ASB3: variants seen among roughly 807,000 people sequenced by gnomAD.
ASB3 encodes ankyrin repeat and SOCS box containing 3.
A neutral mutation model predicts 54.5 loss-of-function variants in ASB3; 41 were observed. The observed-to-expected ratio is 0.75, with a 90% confidence interval of 0.59 to 0.98. The LOEUF (loss-of-function observed/expected upper bound fraction) is 0.98. Ranked by LOEUF, ASB3 falls within the 50% of genes least tolerant of loss-of-function variation. The pLI is 0.00. For synonymous variants in ASB3, 266 were observed against 221.2 expected, an observed-to-expected ratio of 1.20 and a Z score of -1.80; for missense variants, 733 against 620.0, an observed-to-expected ratio of 1.18 and a Z score of -1.94.
At chr2:53,774,349 A>G (rs775594694) in intron 1 of ASB3, 2 of 1,613,300 alleles carry the variant, frequency 1.2e-6, no homozygotes, top group Non-Finnish European at 1.7e-6. Flanking sequence ...TCTGGAAGAC[A>G]TTGCTGAACA....
intron 5 of ASB3, among the ~76,000 whole-genome samples, chr2:53,726,366 T>C (rs1347811912): frequency 6.6e-6 from 1 of 150,570 alleles, no homozygotes; most frequent in African/African-American, 2.4e-5. Context: ...GTTTAAGCAA[T>C]TCTCCTGCCT....
chr2:53,780,482 T>C (rs1358053678), intron 1 of ASB3, among the ~76,000 whole-genome samples: 1 of 152,022 alleles, frequency 6.6e-6, no homozygotes, highest in Non-Finnish European at 1.5e-5. Context: ...AGATGTGATA[T>C]AAAATACAAG....
At chr2:53,672,731 C>T in intron 9 of ASB3, among the ~76,000 whole-genome samples, 1 of 152,158 alleles carries the variant, frequency 6.6e-6, no homozygotes, top group East Asian at 1.9e-4. Context: ...GACACAGTTT[C>T]ACTTTCTTTG....
chr2:53,758,346 T>G (rs2104048452), intron 2 of ASB3, among the ~76,000 whole-genome samples: 1 of 152,292 alleles, frequency 6.6e-6, no homozygotes, highest in African/African-American at 2.4e-5. Context: ...ACAAAAAGTT[T>G]AAGATTGATA....
chr2:53,686,528 A>G (rs1572842732), intron 9 of ASB3, among the ~76,000 whole-genome samples: 1 of 152,130 alleles, frequency 6.6e-6, no homozygotes. Context: ...ATGATATTTA[A>G]CACTAGCTTT....
chr2:53,695,471 T>C (rs1669133435), intron 8 of ASB3, among the ~76,000 whole-genome samples: 1 of 152,136 alleles, frequency 6.6e-6, no homozygotes, highest in South Asian at 2.1e-4. Context: ...CAAAGGTTAC[T>C]TGGTTCTGGT....
chr2:53,761,306 C>G (rs1299356093), intron 2 of ASB3, among the ~76,000 whole-genome samples: 1 of 152,096 alleles, frequency 6.6e-6, no homozygotes, highest in South Asian at 2.1e-4. Context: ...CCTGAGAGCA[C>G]AGAGGGAGGG....
intron 3 of ASB3, among the ~76,000 whole-genome samples, chr2:53,744,288 G>A (rs1325864605): frequency 6.6e-6 from 1 of 151,438 alleles, no homozygotes; most frequent in Non-Finnish European, 1.5e-5. Flanking sequence ...AGAGGCTGAG[G>A]CAGGAGAATG....
intron 1 of ASB3, chr2:53,767,837 G>A (rs374912087): frequency 3.8e-6 from 6 of 1,559,488 alleles, no homozygotes; most frequent in Non-Finnish European, 4.3e-6. Context: ...CCCCGGCGGC[G>A]CGGCGACAGC....
intron 5 of ASB3, among the ~76,000 whole-genome samples, chr2:53,717,517 G>A (rs573476129): frequency 6.6e-6 from 1 of 152,050 alleles, no homozygotes; most frequent in East Asian, 1.9e-4. Context: ...TAATATTATA[G>A]TGAAAGAAAG....
chr2:53,754,429 T>C (rs1036097568), intron 2 of ASB3, among the ~76,000 whole-genome samples: 1 of 152,214 alleles, frequency 6.6e-6, no homozygotes, highest in Non-Finnish European at 1.5e-5. Context: ...TGTGTGATTA[T>C]ATATGAAGTA....
intron 1 of ASB3, chr2:53,774,278 C>T (rs757666573): frequency 6.2e-7 from 1 of 1,614,012 alleles, no homozygotes; most frequent in East Asian, 2.2e-5. Flanking sequence ...ACAACAAAAC[C>T]ATTCAGTGTA....
chr2:53,736,607 G>A (rs1408587728), intron 3 of ASB3, among the ~76,000 whole-genome samples: 2 of 151,992 alleles, frequency 1.3e-5, no homozygotes, highest in African/African-American at 4.8e-5. Flanking sequence ...GCCGAGGCAG[G>A]AGAATGGTGT....
intron 3 of ASB3, among the ~76,000 whole-genome samples, chr2:53,748,125 T>C (rs567941862): frequency 1.3e-5 from 2 of 152,314 alleles, no homozygotes; most frequent in East Asian, 3.9e-4. Context: ...GATCCAATTA[T>C]CTGCTTCATG....
At chr2:53,693,772 TTA>T (rs1170254244) in intron 9 of ASB3, 110 bp downstream of exon 9, 55 of 1,430,008 alleles carry the variant, frequency 3.8e-5, no homozygotes, top group Non-Finnish European at 5.0e-5. Flanking sequence ...AAAATGCAAA[TTA>T]TGTCTAATTT....
At chr2:53,778,550 C>T (rs1290529214) in intron 1 of ASB3, among the ~76,000 whole-genome samples, 1 of 152,174 alleles carries the variant, frequency 6.6e-6, no homozygotes, top group Non-Finnish European at 1.5e-5. Flanking sequence ...CCCATGCCTT[C>T]CCTCCAACCC....
rs985376233 is a variant in ASB3, at chr2:53,767,839, G to A, written c.-13-2254C>T. ...CGGAGGCTTCAGTCCCCGGCGGCGC[G>A]GCGACAGCTAGGGTTCACGGCCACT... is the stretch of plus-strand genomic sequence containing the variant. On this transcript the variant is annotated intron_variant, in intron 1 of 9. Transcript: ENST00000263634. 1.6e-5 allele frequency: 25 copies of A among 1,562,136 alleles called. No homozygotes were observed. In the East Asian group the frequency reaches 5.9e-4, roughly 37 times the overall value.
chr2:53,743,864 G>A (rs1250179132), intron 3 of ASB3, among the ~76,000 whole-genome samples: 1 of 152,000 alleles, frequency 6.6e-6, no homozygotes, highest in African/African-American at 2.4e-5. Flanking sequence ...CCAACATGGT[G>A]AAACCTCATC....
At chr2:53,755,820 C>T (rs893349885) in intron 2 of ASB3, among the ~76,000 whole-genome samples, 3 of 152,060 alleles carry the variant, frequency 2.0e-5, no homozygotes, top group Admixed American at 1.3e-4. Flanking sequence ...CATATAACAC[C>T]GAAGGATTAA....
Sources: allele counts gnomAD v4.1 joint callset (sites outside exome capture counted in the v4.1 genomes callset), GRCh38; gene constraint gnomAD v4.1.1; transcripts MANE v1.5; gene names NCBI Gene and HGNC (gene_info 2026-07-23, HGNC 2026-07-21).